Variants in SVOPL observed in about 807,000 individuals in gnomAD.
SVOPL encodes the protein putative transporter SVOPL.
In SVOPL, 60 loss-of-function variants were observed where a neutral mutation model predicts 61.0. The observed-to-expected ratio is 0.98, with a 90% CI of 0.80 to 1.22. The LOEUF is 1.22. Among genes scored for constraint, SVOPL ranks in the 50% most tolerant of loss-of-function variants. The pLI, the probability that SVOPL is intolerant of heterozygous loss-of-function variation, is 0.00. For missense variants in SVOPL, 662 were observed against 643.9 expected, an observed-to-expected ratio of 1.03 and a Z score of -0.30; for synonymous variants, 279 against 250.0, an observed-to-expected ratio of 1.12 and a Z score of -1.09.
At chr7:138,640,821 C>T (rs558914094) in intron 9 of SVOPL, among the ~76,000 whole-genome samples, 1 of 152,142 alleles carries the variant, frequency 6.6e-6, no homozygotes, top group South Asian at 2.1e-4. Context: ...ATGCTCACTG[C>T]CTGGATGACA....
rs776461183 is a variant in SVOPL at position 138,700,335 on chromosome 7, C to CTTTTTT, written c.-35+837_-35+842dup. Among the ~76,000 whole-genome samples, 254 of 99,712 alleles carry CTTTTTT rather than the reference C, an allele frequency of 2.5e-3. 1 individual carries two copies. Among genetic ancestry groups the CTTTTTT allele is most frequent in the Non-Finnish European group, 3.2e-3 (171 of 53,316 alleles). 65.4% of individuals were successfully genotyped at this position (99,712 alleles called of 152,430 possible). A position where few individuals can be genotyped will look rare whatever the true frequency, so the allele number is the denominator to read the frequency against. ...TACTCTGTTCTTTGGTTCCGTATGT[C>CTTTTTT]TTTTTTTTTTTTTTTTTTTTTGAGA... On this transcript the variant is annotated intron_variant, in intron 1 of 15. Transcript: ENST00000674285.
intron 3 of SVOPL, among the ~76,000 whole-genome samples, chr7:138,672,523 C>T (rs1026754076): frequency 2.6e-5 from 4 of 152,020 alleles, no homozygotes; most frequent in Non-Finnish European, 2.9e-5. Flanking sequence ...GCAGAGCACA[C>T]GCCTTATAAA....
chr7:138,648,780 G>C (rs1180596047), intron 8 of SVOPL, among the ~76,000 whole-genome samples: 1 of 151,880 alleles, frequency 6.6e-6, no homozygotes, highest in Non-Finnish European at 1.5e-5. Flanking sequence ...AAATTAGCTG[G>C]GTATGGTGGC....
intron 9 of SVOPL, among the ~76,000 whole-genome samples, chr7:138,631,469 C>T (rs757167754): frequency 5.3e-5 from 8 of 152,140 alleles, no homozygotes; most frequent in Non-Finnish European, 1.2e-4. Context: ...CACCTCCCCC[C>T]ATCCTTCCAC....
At chr7:138,598,677 T>G (rs1391164744) in intron 14 of SVOPL, among the ~76,000 whole-genome samples, 2 of 152,068 alleles carry the variant, frequency 1.3e-5, no homozygotes, top group African/African-American at 4.8e-5. Context: ...TCCAAACACT[T>G]CTATGTAATC....
At chr7:138,671,446 C>T (rs937192412) in intron 4 of SVOPL, among the ~76,000 whole-genome samples, 16 of 152,212 alleles carry the variant, frequency 1.1e-4, no homozygotes, top group African/African-American at 3.6e-4. Flanking sequence ...CTCCCAGATG[C>T]AAGCAATTCT....
intron 14 of SVOPL, among the ~76,000 whole-genome samples, chr7:138,616,340 C>CT (rs5887891): frequency 0.89 from 129,512 of 146,180 alleles, 57,664 homozygotes; most frequent in East Asian, 0.97. Flanking sequence ...ATCTTTAATA[C>CT]TTTTTTTTTT....
intron 3 of SVOPL, among the ~76,000 whole-genome samples, chr7:138,677,146 C>T (rs1802585140): frequency 6.6e-6 from 1 of 152,140 alleles, no homozygotes. Flanking sequence ...CCTCGTGATC[C>T]GCCCGCCTCG....
chr7:138,663,686 G>A (rs895841729), intron 4 of SVOPL: 8 of 768,638 alleles, frequency 1.0e-5, no homozygotes, highest in Non-Finnish European at 1.3e-5. Flanking sequence ...AAGGACCTGG[G>A]ATTTGACACT....
chr7:138,631,577 CTTT>C (rs375928011), intron 9 of SVOPL, among the ~76,000 whole-genome samples: 3 of 150,490 alleles, frequency 2.0e-5, no homozygotes, highest in Non-Finnish European at 4.4e-5. Context: ...CTCCCCAAAG[CTTT>C]TTTTTTGGGA....
intron 6 of SVOPL, among the ~76,000 whole-genome samples, chr7:138,657,658 A>T (rs1179404292): frequency 6.6e-6 from 1 of 152,056 alleles, no homozygotes; most frequent in Non-Finnish European, 1.5e-5. Flanking sequence ...TAACATATTT[A>T]TTGAGCTGTT....
At chr7:138,622,315 G>GTATTTATCTATCTATCTATGT (rs1799706548) in intron 13 of SVOPL, among the ~76,000 whole-genome samples, 1 of 51,972 alleles carries the variant, frequency 1.9e-5, no homozygotes, top group Non-Finnish European at 4.5e-5. Context: ...TCTATCTATC[G>GTATTTATCTATCTATCTATGT]ACAGAGTCTC....
At chr7:138,643,390 A>C (rs1027940471) in intron 9 of SVOPL, among the ~76,000 whole-genome samples, 21 of 137,704 alleles carry the variant, frequency 1.5e-4, no homozygotes, top group Non-Finnish European at 2.9e-4. Context: ...ACGCCACTGC[A>C]CTCCAGCCTG....
chr7:138,637,040 T>C (rs1800500128), intron 9 of SVOPL, among the ~76,000 whole-genome samples: 1 of 152,222 alleles, frequency 6.6e-6, no homozygotes, highest in Non-Finnish European at 1.5e-5. Context: ...CTTTATCATA[T>C]AATAAATCCC....
chr7:138,658,876 GCCCCAA>G (rs915527462), intron 6 of SVOPL, among the ~76,000 whole-genome samples: 5 of 94,048 alleles, frequency 5.3e-5, no homozygotes, highest in African/African-American at 2.0e-4. Context: ...GTGCCCCCCC[GCCCCAA>G]CCCCAACCCC....
In SVOPL at chr7:138,629,127, A is replaced by ATGTGTGTGTGTGTGTG. The variant is rs71520009; in HGVS notation, c.864-780_864-765dup. ...TCTAATATATAAGCATGTTTTATATATGTGTGTGTGTGTGTGTGTGTGTGT... is the reference window on the plus strand; with the variant it reads ...TCTAATATATAAGCATGTTTTATATATGTGTGTGTGTGTGTGTGTGTGTGTGTGTGTGTGTGTGTGT... On this transcript the variant is annotated intron_variant, in intron 10 of 15. Transcript: ENST00000674285. Among the ~76,000 whole-genome samples, 11 of 66,094 alleles carry ATGTGTGTGTGTGTGTG rather than the reference A, an allele frequency of 1.7e-4. 1 individual carries two copies. The highest frequency in any genetic ancestry group is 1.6e-3 in the Admixed American group (9 of 5,642). 43.4% of individuals were successfully genotyped at this position (66,094 alleles called of 152,430 possible). A position where few individuals can be genotyped will look rare whatever the true frequency, so the allele number is the denominator to read the frequency against.
intron 14 of SVOPL, among the ~76,000 whole-genome samples, chr7:138,609,284 C>G (rs1798889133): frequency 6.6e-6 from 1 of 152,092 alleles, no homozygotes; most frequent in Non-Finnish European, 1.5e-5. Context: ...TGAAAGCGAG[C>G]AGACCCCTTC....
intron 7 of SVOPL, among the ~76,000 whole-genome samples, chr7:138,651,341 A>G (rs1762286181): frequency 1.3e-5 from 2 of 152,194 alleles, no homozygotes; most frequent in African/African-American, 4.8e-5. Context: ...CTATGGCTTC[A>G]AGCATTCCCA....
At chr7:138,698,635 A>G (rs926369499) in intron 1 of SVOPL, among the ~76,000 whole-genome samples, 2 of 152,150 alleles carry the variant, frequency 1.3e-5, no homozygotes, top group African/African-American at 4.8e-5. Flanking sequence ...AGCCACTGTG[A>G]TTTCTGGTCT....
Sources: allele counts gnomAD v4.1 joint callset (sites outside exome capture counted in the v4.1 genomes callset), GRCh38; gene constraint gnomAD v4.1.1; transcripts MANE v1.5; gene names NCBI Gene and HGNC (gene_info 2026-07-23, HGNC 2026-07-21).